Variants in RAP1GAP2 observed in about 807,000 individuals in gnomAD.
The protein encoded by RAP1GAP2 is rap1 GTPase-activating protein 2.
A neutral mutation model predicts 95.0 loss-of-function variants in RAP1GAP2; 27 were observed. The ratio of observed to expected loss-of-function variants is 0.28; its 90% confidence interval spans 0.21 to 0.39. The LOEUF is 0.39. RAP1GAP2 is among the 10% of genes least tolerant of loss of function. RAP1GAP2 has a pLI of 1.00. For synonymous variants in RAP1GAP2, 373 were observed against 380.9 expected (o/e 0.98, Z 0.24); for missense variants, 771 against 970.0 (o/e 0.79, Z 2.72).
chr17:2,800,648 T>A, intron 2 of RAP1GAP2, 98 bp downstream of exon 2: 1 of 1,280,776 alleles, frequency 7.8e-7, no homozygotes, highest in Non-Finnish European at 1.1e-6. Flanking sequence ...CAAGAGGGGC[T>A]GTCGTGTTTG....
chr17:2,965,620 CGAGT>C lies in RAP1GAP2; in HGVS notation c.574_577del (p.Glu192ThrfsTer10). On this transcript the variant is annotated frameshift_variant, in exon 8 of 25. Transcript: ENST00000254695. LOFTEE classifies it high-confidence loss of function. This position sits in a 1 kb window ranked among gnomAD's most constrained non-coding sequence, Gnocchi z 4.7. ...TCAAGTGCGAGGAAGCAGAGGGGAT[CGAGT>C]ACCTCCGGGTCATCCTTAGGTAGGG... 6.2e-7 allele frequency: 1 copy of C among 1,610,640 alleles called. No individual in the cohort carries two copies. The highest frequency in any genetic ancestry group is 1.1e-5 in the South Asian group (1 of 90,292).
At chr17:2,969,448 C>CACAA (rs1555581969) in intron 8 of RAP1GAP2, among the ~76,000 whole-genome samples, 1 of 145,454 alleles carries the variant, frequency 6.9e-6, no homozygotes. Flanking sequence ...CACACACACA[C>CACAA]AATAAATAAA....
At chr17:2,859,174 G>A (rs1466722223) in intron 2 of RAP1GAP2, among the ~76,000 whole-genome samples, 7 of 143,814 alleles carry the variant, frequency 4.9e-5, no homozygotes, top group African/African-American at 1.8e-4. Context: ...GCAGTGGCAC[G>A]ATCTCGGCTC....
Position 2,866,500 on chromosome 17 carries a change from A to G in RAP1GAP2, c.81-38784A>G, listed in dbSNP as rs1488547119. ...TAACATTTGTGTTATTGTGATTTTT[A>G]TTAAATAGAGGTTTGGGGCCCAAGG... On this transcript the variant is annotated intron_variant, in intron 2 of 24. Coordinates refer to ENST00000254695, the MANE Select transcript of RAP1GAP2 (RefSeq NM_015085.5). This position sits in a 1 kb window ranked among gnomAD's most constrained non-coding sequence, Gnocchi z 4.0. Among the ~76,000 whole-genome samples the G allele has an allele frequency of 6.6e-6, 1 of 152,260 alleles. No individual in the cohort carries two copies. Among genetic ancestry groups the G allele is most frequent in the Non-Finnish European group, 1.5e-5 (1 of 68,050 alleles).
chr17:2,780,319 G>A (rs2068614887), intron 1 of RAP1GAP2, among the ~76,000 whole-genome samples: 1 of 152,216 alleles, frequency 6.6e-6, no homozygotes, highest in South Asian at 2.1e-4. Context: ...CCAAAGTGCT[G>A]GGGTGACAGG....
intron 1 of RAP1GAP2, among the ~76,000 whole-genome samples, chr17:2,769,547 T>A (rs1217035737): frequency 6.7e-6 from 1 of 150,118 alleles, no homozygotes; most frequent in African/African-American, 2.4e-5. Flanking sequence ...AGAGCGAGAC[T>A]CCATCTCAAA....
Position 3,010,378 on chromosome 17 carries a change from T to A in RAP1GAP2, c.1494+2233T>A, listed in dbSNP as rs1052013545. Among the ~76,000 whole-genome samples, 12 of 149,240 alleles carry A rather than the reference T, an allele frequency of 8.0e-5. No homozygotes were observed. The East Asian group carries it at 2.4e-3, about 29-fold the overall frequency. On this transcript the variant is annotated intron_variant, in intron 17 of 24. Coordinates refer to ENST00000254695, the MANE Select transcript of RAP1GAP2 (RefSeq NM_015085.5). ...AAAAAAAAGAAAAGTTGAGCTGCAGTTGGGGAGCCAACATAATGTTGTATT... is the reference window on the plus strand; with the variant it reads ...AAAAAAAAGAAAAGTTGAGCTGCAGATGGGGAGCCAACATAATGTTGTATT...
rs777334043 is a variant in RAP1GAP2 at position 3,026,055 on chromosome 17, C to T, written c.1799C>T (p.Ser600Phe). 3.7e-6 allele frequency: 6 copies of T among 1,613,708 alleles called. No homozygotes were observed. In the African/African-American group the frequency reaches 8.0e-5, roughly 22 times the overall value. Residue 600 changes from serine (S) to phenylalanine (F), a missense_variant, in exon 20 of 25, where the codon TCT becomes TTT. By Grantham distance (155) the Ser-to-Phe change is radical. Transcript: ENST00000254695. Reference sequence around the variant, plus strand: ...AAGACCCCAGATGGTGGACACTCCTCTCAGGAGATAAAGTCTGAGACCTCA... The same window carrying T: ...AAGACCCCAGATGGTGGACACTCCTTTCAGGAGATAAAGTCTGAGACCTCA... ...TPKTPDGGHS[S>F]QEIKSETSSN... is the part of the protein sequence containing the mutation.
At chr17:2,966,841 G>A (rs1166426506) in intron 8 of RAP1GAP2, among the ~76,000 whole-genome samples, 1 of 152,110 alleles carries the variant, frequency 6.6e-6, no homozygotes, top group East Asian at 1.9e-4. Context: ...ACCGAGACTG[G>A]GTAGCATTTT....
At chr17:3,013,600 C>T (rs905926576) in intron 17 of RAP1GAP2, among the ~76,000 whole-genome samples, 12 of 151,090 alleles carry the variant, frequency 7.9e-5, no homozygotes, top group Non-Finnish European at 1.8e-4. Flanking sequence ...CTCCCTGACA[C>T]CAGCCTCTGA....
intron 2 of RAP1GAP2, among the ~76,000 whole-genome samples, chr17:2,808,119 C>T (rs933745612): frequency 5.9e-5 from 9 of 151,942 alleles, no homozygotes; most frequent in Non-Finnish European, 1.2e-4. Context: ...CAGTAAATCC[C>T]GTTGTTCTCA....
intron 2 of RAP1GAP2, among the ~76,000 whole-genome samples, chr17:2,854,622 C>T (rs1169679297): frequency 6.6e-6 from 1 of 152,258 alleles, no homozygotes; most frequent in African/African-American, 2.4e-5. Flanking sequence ...TGCCTCTTCG[C>T]CTTTCTGGCG....
chr17:3,014,029 T>C (rs1159512668), intron 17 of RAP1GAP2, among the ~76,000 whole-genome samples: 2 of 152,238 alleles, frequency 1.3e-5, no homozygotes, highest in Non-Finnish European at 2.9e-5. Flanking sequence ...AAATACGTCC[T>C]GAGAAATGAC....
chr17:3,007,817 G>A (rs2046383316), intron 16 of RAP1GAP2, among the ~76,000 whole-genome samples, 194 bp from the exon 17 acceptor site: 1 of 152,180 alleles, frequency 6.6e-6, no homozygotes, highest in Admixed American at 6.5e-5. Flanking sequence ...TAGAGCAGGA[G>A]GCCGAGCACG....
chr17:3,002,890 G>A (rs1252270796), intron 14 of RAP1GAP2, among the ~76,000 whole-genome samples: 3 of 152,136 alleles, frequency 2.0e-5, no homozygotes, highest in South Asian at 2.1e-4. Context: ...GGAAGGAGGC[G>A]TGCTTGGGTG....
chr17:2,915,672 CT>C (rs2042545487), intron 3 of RAP1GAP2, among the ~76,000 whole-genome samples: 1 of 152,140 alleles, frequency 6.6e-6, no homozygotes, highest in African/African-American at 2.4e-5. Context: ...CAAAGATTTC[CT>C]TCCATGTATT....
chr17:3,013,102 T>A (rs562851018), intron 17 of RAP1GAP2, among the ~76,000 whole-genome samples: 1 of 152,286 alleles, frequency 6.6e-6, no homozygotes, highest in African/African-American at 2.4e-5. Context: ...CCAGGTTCAT[T>A]TCTCCCAGCC....
At chr17:2,828,358 C>CAAAG (rs2070677910) in intron 2 of RAP1GAP2, among the ~76,000 whole-genome samples, 1 of 150,054 alleles carries the variant, frequency 6.7e-6, no homozygotes, top group African/African-American at 2.5e-5. Context: ...AACAAACAAA[C>CAAAG]AAAAATAATA....
intron 2 of RAP1GAP2, among the ~76,000 whole-genome samples, chr17:2,861,653 G>T (rs898642044): frequency 1.5e-4 from 23 of 150,532 alleles, no homozygotes; most frequent in Middle Eastern, 3.4e-3. Flanking sequence ...TTTTTTTTGG[G>T]GGGGGGGACG....
Sources: allele counts gnomAD v4.1 joint callset (sites outside exome capture counted in the v4.1 genomes callset), GRCh38; gene constraint gnomAD v4.1.1; non-coding constraint Gnocchi (gnomAD v3.1); transcripts MANE v1.5; gene names NCBI Gene and HGNC (gene_info 2026-07-23, HGNC 2026-07-21).